Variants in FRAS1 observed in about 807,000 individuals in gnomAD.
FRAS1 encodes Fraser extracellular matrix complex subunit 1, also known as extracellular matrix organizing protein FRAS1.
In FRAS1, 290 loss-of-function variants were observed where a neutral mutation model predicts 435.2. The ratio of observed to expected loss-of-function variants is 0.67; its 90% confidence interval spans 0.61 to 0.73. FRAS1 has a LOEUF of 0.73. FRAS1 is among the 30% of genes least tolerant of loss of function. The probability of loss-of-function intolerance (pLI) is 0.00; values close to 1 mark genes in which losing one functional copy is unlikely to be tolerated. For synonymous variants in FRAS1, 1,800 were observed against 1,851.0 expected, an observed-to-expected ratio of 0.97 and a Z score of 0.71; for missense variants, 4,860 against 5,001.5, an observed-to-expected ratio of 0.97 and a Z score of 0.85.
At chr4:78,255,456 C>A in intron 6 of FRAS1, 81 bp downstream of exon 6, 1 of 1,365,242 alleles carries the variant, frequency 7.3e-7, no homozygotes. Flanking sequence ...GGCAGGCAGG[C>A]CTCAGAAGCA....
chr4:78,147,056 C>T (rs1434689200), intron 2 of FRAS1, among the ~76,000 whole-genome samples: 1 of 152,074 alleles, frequency 6.6e-6, no homozygotes, highest in Non-Finnish European at 1.5e-5. Context: ...TATCCAAAAC[C>T]CTGCCCCTTT....
rs376814395 is a variant in FRAS1, at chr4:78,424,391, T to C, written c.4682T>C (p.Leu1561Pro). 7.2e-5 allele frequency: 106 copies of C among 1,465,960 alleles called. No homozygotes were observed. The highest frequency in any genetic ancestry group is 1.1e-5 in the Non-Finnish European group (12 of 1,097,830). The allele number at this position is 1,465,960 out of a possible 1,614,324, so 90.8% of individuals were successfully genotyped here. Residue 1561 changes from leucine (L) to proline (P), a missense_variant, in exon 35 of 74, where the codon CTC becomes CCC. Leu to Pro is a moderately conservative substitution (Grantham distance 98). Coordinates refer to ENST00000512123, the MANE Select transcript of FRAS1 (RefSeq NM_025074.7). ...ATTGTCTCTCTTACTCTTTTAGGTC[T>C]CCCAGAATCAGTGAAATTCCACTTC... ...QELMAFSFAGLPESVKFHFTV... is the reference protein window; with the variant it reads ...QELMAFSFAGPPESVKFHFTV...
At chr4:78,372,612 G>T (rs1731558943) in intron 23 of FRAS1, 106 bp from the exon 24 acceptor site, 3 of 1,348,546 alleles carry the variant, frequency 2.2e-6, no homozygotes, top group Non-Finnish European at 3.1e-6. Context: ...CTCTTACGTT[G>T]TCCTTATTTT....
chr4:78,311,778 A>G (rs1024838114), intron 15 of FRAS1, among the ~76,000 whole-genome samples: 9 of 152,242 alleles, frequency 5.9e-5, no homozygotes, highest in African/African-American at 1.2e-4. Flanking sequence ...GAGTCAACCC[A>G]TTAAATTTGC....
chr4:78,357,222 C>T (rs1263992955), intron 20 of FRAS1, among the ~76,000 whole-genome samples: 1 of 152,128 alleles, frequency 6.6e-6, no homozygotes, highest in African/African-American at 2.4e-5. Context: ...AAGTTGGTAC[C>T]CCTGTTATGT....
intron 3 of FRAS1, among the ~76,000 whole-genome samples, chr4:78,244,534 G>A (rs1056923516): frequency 9.9e-5 from 15 of 152,120 alleles, no homozygotes; most frequent in Admixed American, 9.2e-4. Context: ...ACAACTCTTA[G>A]ATAAACAGAT....
intron 15 of FRAS1, among the ~76,000 whole-genome samples, chr4:78,308,891 TC>T (rs1432058291): frequency 6.6e-6 from 1 of 152,160 alleles, no homozygotes; most frequent in African/African-American, 2.4e-5. Context: ...AATAATGGGC[TC>T]CCAATGATGC....
Position 78,508,928 on chromosome 4 carries a change from C to T in FRAS1, c.9702C>T (p.Ala3234=), listed in dbSNP as rs959439673. 3 of 1,613,822 alleles carry T rather than the reference C, an allele frequency of 1.9e-6. No individual in the cohort carries two copies. Among genetic ancestry groups the T allele is most frequent in the Non-Finnish European group, 2.5e-6 (3 of 1,179,888 alleles). ...TSVQFSWEVA[A]PTDGNGARSP... Reference sequence around the variant, plus strand: ...TGCAGTTCAGCTGGGAAGTGGCTGCCCCCACTGATGGCAATGGGGCCCGGT... The same window carrying T: ...TGCAGTTCAGCTGGGAAGTGGCTGCTCCCACTGATGGCAATGGGGCCCGGT... Residue 3234 remains alanine, a synonymous_variant, in exon 63 of 74, where the codon GCC becomes GCT. Coordinates refer to ENST00000512123, the MANE Select transcript of FRAS1 (RefSeq NM_025074.7).
chr4:78,288,773 C>A (rs527871444), intron 14 of FRAS1, among the ~76,000 whole-genome samples: 48 of 151,984 alleles, frequency 3.2e-4, no homozygotes, highest in Non-Finnish European at 5.3e-4. Flanking sequence ...ACTGTCTTGG[C>A]ACTAAGATTA....
chr4:78,531,215 C>T (rs1721702090), intron 70 of FRAS1, among the ~76,000 whole-genome samples: 1 of 152,184 alleles, frequency 6.6e-6, no homozygotes, highest in Non-Finnish European at 1.5e-5. Flanking sequence ...GCTGAAGTTG[C>T]TTATCAGCTT....
In FRAS1 at chr4:78,445,684, A is replaced by G; in HGVS notation, c.5828A>G (p.Glu1943Gly). ...GTGAGTGATGGAACCAGTCGTTCAGAAATTCACAGCATCAATATCACCATT... is the reference window on the plus strand; with the variant it reads ...GTGAGTGATGGAACCAGTCGTTCAGGAATTCACAGCATCAATATCACCATT... ...FYVSDGTSRS[E>G]IHSINITIER... The change falls in exon 42 of 74, where the codon GAA becomes GGA. Residue 1943 changes from glutamate (E) to glycine (G), a missense_variant. Transcript: ENST00000512123. 6.2e-7 allele frequency: 1 copy of G among 1,614,000 alleles called. No individual in the cohort carries two copies.
At chr4:78,208,716 A>G (rs1723371399) in intron 2 of FRAS1, among the ~76,000 whole-genome samples, 1 of 152,214 alleles carries the variant, frequency 6.6e-6, no homozygotes, top group Non-Finnish European at 1.5e-5. Context: ...TTGTTTATTT[A>G]CTTATATTAA....
At chr4:78,308,044 T>C in intron 14 of FRAS1, 22 bp from the exon 15 acceptor site, 2 of 1,577,230 alleles carry the variant, frequency 1.3e-6, no homozygotes, top group Non-Finnish European at 1.7e-6. Context: ...GATTACTCAC[T>C]GATTTTGCTA....
intron 38 of FRAS1, among the ~76,000 whole-genome samples, chr4:78,435,323 G>A (rs1734374993): frequency 6.6e-6 from 1 of 152,130 alleles, no homozygotes; most frequent in South Asian, 2.1e-4. Context: ...AATATTAGGA[G>A]GGCAAGGGGA....
chr4:78,237,399 CTT>C, intron 2 of FRAS1, 109 bp from the exon 3 acceptor site: 2 of 715,010 alleles, frequency 2.8e-6, no homozygotes, highest in Non-Finnish European at 4.9e-6. Context: ...GTGCCTGTGA[CTT>C]TTCTTTGTCT....
intron 18 of FRAS1, among the ~76,000 whole-genome samples, chr4:78,325,021 A>G (rs1436049523): frequency 6.6e-6 from 1 of 152,212 alleles, no homozygotes; most frequent in Admixed American, 6.5e-5. Flanking sequence ...AGTTTTACTT[A>G]CACATTGTCT....
chr4:78,486,765 G>A (rs1366197328), intron 58 of FRAS1, among the ~76,000 whole-genome samples: 1 of 151,836 alleles, frequency 6.6e-6, no homozygotes, highest in Admixed American at 6.6e-5. Context: ...TTCTTAAAGG[G>A]AGGGATTGTT....
At chr4:78,160,343 T>C (rs1013995367) in intron 2 of FRAS1, among the ~76,000 whole-genome samples, 2 of 152,214 alleles carry the variant, frequency 1.3e-5, no homozygotes, top group East Asian at 1.9e-4. Flanking sequence ...TGGGCCCTCA[T>C]AGTGTTTAAA....
In FRAS1 at chr4:78,464,053, C is replaced by A; in HGVS notation, c.6796C>A (p.Leu2266Met). 6.2e-7 allele frequency: 1 copy of A among 1,613,564 alleles called. No individual in the cohort carries two copies. Among genetic ancestry groups the A allele is most frequent in the Non-Finnish European group, 8.5e-7 (1 of 1,179,776 alleles). Reference sequence around the variant, plus strand: ...GATTAGTTCCTTTACTCAAGCTGATCTGACTTCACGAAATGTTCAGTATGT... The same window carrying A: ...GATTAGTTCCTTTACTCAAGCTGATATGACTTCACGAAATGTTCAGTATGT... ...IQISSFTQAD[L>M]TSRNVQYVHS... is the part of the protein sequence containing the mutation. Residue 2266 changes from leucine (L) to methionine (M), a missense_variant, in exon 48 of 74, where the codon CTG (leucine) becomes ATG (methionine). Transcript: ENST00000512123.
Sources: allele counts gnomAD v4.1 joint callset (sites outside exome capture counted in the v4.1 genomes callset), GRCh38; gene constraint gnomAD v4.1.1; transcripts MANE v1.5; gene names NCBI Gene and HGNC (gene_info 2026-07-23, HGNC 2026-07-21).